HECTD4: variants seen among roughly 807,000 people sequenced by gnomAD.
HECTD4 encodes probable E3 ubiquitin-protein ligase HECTD4.
Under a neutral mutation model 471.5 loss-of-function variants are expected in HECTD4, and 114 were observed. That is an observed-to-expected ratio of 0.24 (90% CI 0.21 to 0.28). The LOEUF (loss-of-function observed/expected upper bound fraction) is 0.28. HECTD4 is among the 10% of genes least tolerant of loss of function. HECTD4 has a pLI of 1.00. For synonymous variants in HECTD4, 2,012 were observed against 2,256.0 expected (o/e 0.89, Z 3.07); for missense variants, 3,866 against 5,651.5 (o/e 0.68, Z 10.13).
intron 49 of HECTD4, among the ~76,000 whole-genome samples, chr12:112,211,801 T>C (rs1189681243): frequency 6.6e-6 from 1 of 152,204 alleles, no homozygotes; most frequent in Non-Finnish European, 1.5e-5. Context: ...TGCCATTTCC[T>C]GAGATGAAGA....
At chr12:112,227,999 A>C in intron 43 of HECTD4, 90 bp downstream of exon 43, 7 of 1,168,094 alleles carry the variant, frequency 6.0e-6, no homozygotes, top group Non-Finnish European at 8.3e-6. Flanking sequence ...TGGATTCACT[A>C]AGTTGGGAGT....
At chr12:112,176,529 G>T (rs1319024708) in intron 65 of HECTD4, 67 bp downstream of exon 65, 9 of 1,110,916 alleles carry the variant, frequency 8.1e-6, no homozygotes, top group South Asian at 6.3e-5. Context: ...CCTGCTCCTC[G>T]GGGGGTGCCT....
At chr12:112,292,825 A>T (rs1397373303) in intron 7 of HECTD4, among the ~76,000 whole-genome samples, 3 of 152,120 alleles carry the variant, frequency 2.0e-5, no homozygotes, top group African/African-American at 7.2e-5. Flanking sequence ...GTTTGAGACC[A>T]TCCTGGGCAA....
intron 69 of HECTD4, chr12:112,170,087 A>G (rs1412515869): frequency 1.7e-6 from 1 of 582,384 alleles, no homozygotes; most frequent in Non-Finnish European, 3.0e-6. Flanking sequence ...GATCAGAGCA[A>G]AGCCTGCCCC....
chr12:112,328,515 AT>A (rs963810729), intron 1 of HECTD4, among the ~76,000 whole-genome samples: 17 of 152,038 alleles, frequency 1.1e-4, no homozygotes, highest in Admixed American at 4.6e-4. Flanking sequence ...CTTTCTACAG[AT>A]TTTTTTTCTA....
At chr12:112,197,900 A>G (rs1160893854) in intron 55 of HECTD4, among the ~76,000 whole-genome samples, 1 of 152,188 alleles carries the variant, frequency 6.6e-6, no homozygotes, top group Non-Finnish European at 1.5e-5. Context: ...TAGCTTAGGC[A>G]CTGGGGACTC....
At chr12:112,292,563 C>A (rs1275152490) in intron 7 of HECTD4, among the ~76,000 whole-genome samples, 2 of 152,118 alleles carry the variant, frequency 1.3e-5, no homozygotes, top group African/African-American at 4.8e-5. Flanking sequence ...TGTAGAAGGC[C>A]CTTTGTAATG....
At chr12:112,268,193 T>A (rs1273513526) in intron 13 of HECTD4, among the ~76,000 whole-genome samples, 1 of 152,144 alleles carries the variant, frequency 6.6e-6, no homozygotes, top group East Asian at 1.9e-4. Context: ...ATCTGATAAG[T>A]CTGACATATG....
Position 112,216,914 on chromosome 12 carries a change from G to C in HECTD4, c.7244C>G (p.Ser2415Cys). 6.2e-7 allele frequency: 1 copy of C among 1,613,964 alleles called. No homozygotes were observed. Among genetic ancestry groups the C allele is most frequent in the Non-Finnish European group, 8.5e-7 (1 of 1,179,824 alleles). Residue 2415 changes from serine to cysteine, a missense_variant, in exon 47 of 76, where the codon TCT (serine) becomes TGT (cysteine). By Grantham distance (112) the Ser-to-Cys change is moderately radical. Coordinates refer to ENST00000682272, the MANE Select transcript of HECTD4 (RefSeq NM_001388303.1). ...AACGATTTCAATTTCCCAGTAAAAAGACGGGGCCTGAAGAGATGCCAGAAG... is the reference window on the plus strand; with the variant it reads ...AACGATTTCAATTTCCCAGTAAAAACACGGGGCCTGAAGAGATGCCAGAAG... ...ATSPLPVQAP[S>C]FYWEIEIVSY...
chr12:112,285,299 C>G (rs917890237), intron 7 of HECTD4, among the ~76,000 whole-genome samples: 1 of 152,156 alleles, frequency 6.6e-6, no homozygotes, highest in African/African-American at 2.4e-5. Flanking sequence ...AGACCTACCC[C>G]TGGTGTCCAA....
At chr12:112,308,377 T>C (rs527905954) in intron 6 of HECTD4, among the ~76,000 whole-genome samples, 99 of 145,120 alleles carry the variant, frequency 6.8e-4, no homozygotes, top group Non-Finnish European at 1.2e-3. Context: ...AGAGGCTGTT[T>C]AGAACAAATT....
At chr12:112,200,878 TGCGTGC>T in intron 54 of HECTD4, 80 bp from the exon 55 acceptor site, 2 of 1,212,586 alleles carry the variant, frequency 1.6e-6, no homozygotes, top group Non-Finnish European at 2.3e-6. Flanking sequence ...TGTGTGTGCG[TGCGTGC>T]GTGTGTGTGT....
At chr12:112,259,085 T>C in intron 19 of HECTD4, 27 bp downstream of exon 19, 1 of 1,571,984 alleles carries the variant, frequency 6.4e-7, no homozygotes. Context: ...CAAAAAGCAG[T>C]TCACTTTGGC....
At chr12:112,168,057 C>T (rs2031053238) in intron 70 of HECTD4, 140 bp from the exon 71 acceptor site, 1 of 711,464 alleles carries the variant, frequency 1.4e-6, no homozygotes, top group Non-Finnish European at 2.5e-6. Context: ...AAGAAGCCAC[C>T]CCAGGCCTGG....
intron 7 of HECTD4, among the ~76,000 whole-genome samples, chr12:112,287,173 T>C (rs1170437776): frequency 6.6e-6 from 1 of 152,178 alleles, no homozygotes; most frequent in Non-Finnish European, 1.5e-5. Flanking sequence ...CTCCACCCCA[T>C]GCACTCCCTC....
At chr12:112,313,481 AT>A (rs34438364) in intron 3 of HECTD4, among the ~76,000 whole-genome samples, 109 of 58,930 alleles carry the variant, frequency 1.8e-3, no homozygotes, top group African/African-American at 5.7e-3. Flanking sequence ...TGCCCGGCTA[AT>A]TTTTTTTTTT....
intron 47 of HECTD4, 149 bp downstream of exon 47, chr12:112,216,624 G>T: frequency 2.1e-6 from 2 of 939,118 alleles, no homozygotes; most frequent in Non-Finnish European, 3.2e-6. Context: ...TTACTAATGT[G>T]CACTGGAAAT....
At chr12:112,276,579 C>T (rs916398530) in intron 9 of HECTD4, among the ~76,000 whole-genome samples, 14 of 152,286 alleles carry the variant, frequency 9.2e-5, no homozygotes, top group Admixed American at 2.6e-4. Context: ...TCCTGTGTAG[C>T]TGGGACTACA....
At position 112,166,149 on chromosome 12, in the gene HECTD4, G is replaced by A. The variant is rs1322655700; in HGVS notation, c.12534+1168C>T. 1 of 152,372 alleles carries A rather than the reference G, an allele frequency of 6.6e-6. No individual in the cohort carries two copies. The highest frequency in any genetic ancestry group is 1.5e-5 in the Non-Finnish European group (1 of 68,172). 9.4% of individuals were successfully genotyped at this position (152,372 alleles called of 1,614,324 possible). A position where few individuals can be genotyped will look rare whatever the true frequency, so the allele number is the denominator to read the frequency against. On this transcript the variant is annotated intron_variant, in intron 72 of 75. Transcript: ENST00000682272. The surrounding 1 kb of genome is among the most constrained non-coding windows in gnomAD (Gnocchi z 4.6). ...GCCTGTGCTGCACCCAGAGCCCCAGGAGGACTCCTCGGAGGAGTGCAGGAG... is the reference window on the plus strand; with the variant it reads ...GCCTGTGCTGCACCCAGAGCCCCAGAAGGACTCCTCGGAGGAGTGCAGGAG...
Sources: allele counts gnomAD v4.1 joint callset (sites outside exome capture counted in the v4.1 genomes callset), GRCh38; gene constraint gnomAD v4.1.1; non-coding constraint Gnocchi (gnomAD v3.1); transcripts MANE v1.5; gene names NCBI Gene and HGNC (gene_info 2026-07-23, HGNC 2026-07-21).